The following TRABD2B variants were observed in gnomAD, a reference collection of about 807,000 sequenced individuals.
TRABD2B encodes the protein TraB domain containing 2B.
TRABD2B carries 14 observed loss-of-function variants against 40.1 expected under a neutral mutation model. The observed-to-expected ratio is 0.35, with a 90% CI of 0.23 to 0.55. The LOEUF is 0.55. Among genes scored for constraint, TRABD2B ranks in the 20% least tolerant of loss-of-function variants. The pLI is 0.90. For missense variants in TRABD2B, 541 were observed against 648.6 expected (o/e 0.83, Z 1.80); for synonymous variants, 263 against 277.0 (o/e 0.95, Z 0.50).
At chr1:47,898,302 T>G (rs1015013861) in intron 2 of TRABD2B, among the ~76,000 whole-genome samples, 2 of 152,224 alleles carry the variant, frequency 1.3e-5, no homozygotes, top group African/African-American at 4.8e-5. Flanking sequence ...CGGGCTGCTC[T>G]GGCTCTCCCT....
chr1:47,767,411 G>A (rs994017449), intron 6 of TRABD2B, among the ~76,000 whole-genome samples: 1 of 152,212 alleles, frequency 6.6e-6, no homozygotes, highest in African/African-American at 2.4e-5. Context: ...TTGAGCATGG[G>A]GAGGGCACTC....
chr1:47,797,999 C>T (rs1350575943), intron 3 of TRABD2B, among the ~76,000 whole-genome samples: 1 of 152,128 alleles, frequency 6.6e-6, no homozygotes, highest in Non-Finnish European at 1.5e-5. Flanking sequence ...AAACTCTGCA[C>T]CCCTTCCCTG....
intron 2 of TRABD2B, among the ~76,000 whole-genome samples, chr1:47,915,535 G>A (rs1644819641): frequency 6.6e-6 from 1 of 152,210 alleles, no homozygotes; most frequent in Admixed American, 6.5e-5. Context: ...GATGAGTAAA[G>A]TAAAGTTCCA....
At chr1:47,889,548 T>C (rs1006136853) in intron 2 of TRABD2B, among the ~76,000 whole-genome samples, 3 of 152,178 alleles carry the variant, frequency 2.0e-5, no homozygotes, top group Non-Finnish European at 4.4e-5. Context: ...ACTCTGCCAA[T>C]AGCAAACTGT....
At position 47,994,851 on chromosome 1, in the gene TRABD2B, G is replaced by A. The variant is rs1022116627; in HGVS notation, c.103-254C>T. Among the ~76,000 whole-genome samples the A allele has an allele frequency of 6.6e-6, 1 of 152,160 alleles. No homozygotes were observed. Among genetic ancestry groups the A allele is most frequent in the Non-Finnish European group, 1.5e-5 (1 of 68,024 alleles). Reference sequence around the variant, plus strand: ...GTTTCCTCATCTGTAAAATGGGGGTGAAAGCAACTACCTCGGGTTGTTGGG... The same window carrying A: ...GTTTCCTCATCTGTAAAATGGGGGTAAAAGCAACTACCTCGGGTTGTTGGG... On this transcript the variant is annotated intron_variant, in intron 1 of 6. Coordinates refer to ENST00000606738, the MANE Select transcript of TRABD2B (RefSeq NM_001194986.2). The surrounding 1 kb of genome is among the most constrained non-coding windows in gnomAD (Gnocchi z 6.7).
In TRABD2B at chr1:47,903,183, G is replaced by C. The variant is rs1034630844; in HGVS notation, c.666+90851C>G. On this transcript the variant is annotated intron_variant, in intron 2 of 6. Transcript: ENST00000606738. ...ATTTATGTGTCTATCTCAGCTTCTAGACTGGTGACATCTGTTGGAGGGCAC... is the reference window on the plus strand; with the variant it reads ...ATTTATGTGTCTATCTCAGCTTCTACACTGGTGACATCTGTTGGAGGGCAC... Among the ~76,000 whole-genome samples the C allele has an allele frequency of 3.9e-5, 6 of 152,146 alleles. No homozygotes were observed. In the East Asian group the frequency reaches 9.7e-4, roughly 25 times the overall value.
chr1:47,896,971 T>C (rs988231650), intron 2 of TRABD2B, among the ~76,000 whole-genome samples: 28 of 152,204 alleles, frequency 1.8e-4, no homozygotes, highest in African/African-American at 6.5e-4. Context: ...ATGTGGGATA[T>C]TCAGCATGCA....
At chr1:47,957,364 C>T (rs1033107180) in intron 2 of TRABD2B, among the ~76,000 whole-genome samples, 33 of 152,116 alleles carry the variant, frequency 2.2e-4, no homozygotes, top group African/African-American at 5.6e-4. Flanking sequence ...AGAATGACTT[C>T]GACGAGTTGA....
At chr1:47,848,039 T>C (rs561885890) in intron 2 of TRABD2B, among the ~76,000 whole-genome samples, 1 of 152,316 alleles carries the variant, frequency 6.6e-6, no homozygotes, top group South Asian at 2.1e-4. Flanking sequence ...GCTAGGCTGC[T>C]CCACCCCGTT....
Position 47,994,569 on chromosome 1 carries a change from G to A in TRABD2B, c.131C>T (p.Thr44Met), listed in dbSNP as rs926281488. 1.9e-5 allele frequency: 29 copies of A among 1,535,650 alleles called. No individual in the cohort carries two copies. Among genetic ancestry groups the A allele is most frequent in the Non-Finnish European group, 2.4e-5 (28 of 1,146,796 alleles). The change falls in exon 2 of 7, where the codon ACG becomes ATG. Residue 44 changes from threonine (T) to methionine (M), a missense_variant. Physicochemically the swap from Thr to Met is moderately conservative, Grantham distance 81. Coordinates refer to ENST00000606738, the MANE Select transcript of TRABD2B (RefSeq NM_001194986.2). The surrounding 1 kb of genome is among the most constrained non-coding windows in gnomAD (Gnocchi z 6.7). ...SQRDLNSFLW[T>M]IRRDPPAYLF... ...GTAGGCCGGAGGATCACGCCGAATCGTCCACAGGAAGGAGTTCAAGTCCCT... is the reference window on the plus strand; with the variant it reads ...GTAGGCCGGAGGATCACGCCGAATCATCCACAGGAAGGAGTTCAAGTCCCT...
intron 2 of TRABD2B, among the ~76,000 whole-genome samples, chr1:47,822,212 G>T (rs1239551763): frequency 2.0e-5 from 3 of 151,878 alleles, no homozygotes; most frequent in Non-Finnish European, 2.9e-5. Context: ...TCACCCCCGA[G>T]GCCTGACCGA....
chr1:47,889,750 T>C (rs1385872043), intron 2 of TRABD2B, among the ~76,000 whole-genome samples: 1 of 152,232 alleles, frequency 6.6e-6, no homozygotes, highest in Admixed American at 6.5e-5. Flanking sequence ...CCCTGAGGCA[T>C]GAGATCTAGA....
chr1:47,829,047 A>C (rs12070946), intron 2 of TRABD2B, among the ~76,000 whole-genome samples: 47,505 of 151,988 alleles, frequency 0.31, 7,788 homozygotes, highest in Non-Finnish European at 0.37. Context: ...TGGGGAGGGC[A>C]GGGAGGGTCA....
intron 2 of TRABD2B, among the ~76,000 whole-genome samples, chr1:47,961,825 A>G (rs1645520764): frequency 6.6e-6 from 1 of 152,252 alleles, no homozygotes; most frequent in African/African-American, 2.4e-5. Flanking sequence ...AGGATCTAGA[A>G]CTAGAAATAC....
At chr1:47,886,834 C>T (rs556704861) in intron 2 of TRABD2B, among the ~76,000 whole-genome samples, 2 of 152,292 alleles carry the variant, frequency 1.3e-5, no homozygotes, top group East Asian at 1.9e-4. Context: ...ATCCAAAGGG[C>T]CTGCCTTGGT....
chr1:47,917,349 G>A (rs1644843426), intron 2 of TRABD2B, among the ~76,000 whole-genome samples: 2 of 152,160 alleles, frequency 1.3e-5, no homozygotes, highest in African/African-American at 4.8e-5. Flanking sequence ...GCGGATGGGT[G>A]GGCGTCAGGC....
At chr1:47,822,548 C>T (rs1208924188) in intron 2 of TRABD2B, among the ~76,000 whole-genome samples, 1 of 150,078 alleles carries the variant, frequency 6.7e-6, no homozygotes, top group East Asian at 2.0e-4. Context: ...GGGCCAGTCC[C>T]TTGACCTCAC....
intron 3 of TRABD2B, among the ~76,000 whole-genome samples, chr1:47,796,524 A>G (rs1301431527): frequency 1.3e-5 from 2 of 152,170 alleles, no homozygotes; most frequent in Non-Finnish European, 2.9e-5. Context: ...GCTGAGCCCT[A>G]AGGGACTCTA....
At chr1:47,926,537 T>G (rs1248308943) in intron 2 of TRABD2B, among the ~76,000 whole-genome samples, 1 of 152,172 alleles carries the variant, frequency 6.6e-6, no homozygotes, top group Admixed American at 6.5e-5. Context: ...TGCCAAGCAC[T>G]CTGTCCTTTT....
Sources: gnomAD v4.1 joint callset for allele counts (sites outside exome capture counted in the v4.1 genomes callset) on GRCh38, gnomAD v4.1.1 for gene constraint, Gnocchi (gnomAD v3.1) non-coding constraint, MANE v1.5 for transcripts, NCBI Gene and HGNC (gene_info 2026-07-23, HGNC 2026-07-21) for gene names.